NEK7: variants seen among roughly 807,000 people sequenced by gnomAD.
The protein encoded by NEK7 is serine/threonine-protein kinase Nek7.
NEK7 carries 18 observed loss-of-function variants against 44.6 expected under a neutral mutation model. The observed-to-expected ratio is 0.40, with a 90% CI of 0.28 to 0.60. The LOEUF (loss-of-function observed/expected upper bound fraction) is 0.60, where lower values mean the gene tolerates loss of function less well. NEK7 is among the 20% of genes least tolerant of loss of function. The pLI, the probability that NEK7 is intolerant of heterozygous loss-of-function variation, is 0.38. For synonymous variants in NEK7, 130 were observed against 121.1 expected, an observed-to-expected ratio of 1.07 and a Z score of -0.48; for missense variants, 256 against 366.5, an observed-to-expected ratio of 0.70 and a Z score of 2.46.
At chr1:198,196,601 AG>A (rs1665243893) in intron 1 of NEK7, among the ~76,000 whole-genome samples, 1 of 152,200 alleles carries the variant, frequency 6.6e-6, no homozygotes, top group Non-Finnish European at 1.5e-5. Flanking sequence ...CAGCGATGCC[AG>A]GGCTGGAATC....
intron 1 of NEK7, among the ~76,000 whole-genome samples, chr1:198,181,107 G>A (rs1210184325): frequency 1.3e-5 from 2 of 151,994 alleles, no homozygotes; most frequent in Non-Finnish European, 2.9e-5. Flanking sequence ...TGGACTCTTA[G>A]ACCATAGTAT....
intron 1 of NEK7, among the ~76,000 whole-genome samples, chr1:198,192,369 ATCTG>A (rs1002656729): frequency 1.3e-5 from 2 of 148,364 alleles, no homozygotes; most frequent in Admixed American, 6.7e-5. Flanking sequence ...GTTTTGTTGA[ATCTG>A]TCTTTGTTTT....
intron 1 of NEK7, among the ~76,000 whole-genome samples, chr1:198,182,858 C>A (rs925796392): frequency 6.6e-6 from 1 of 152,126 alleles, no homozygotes; most frequent in African/African-American, 2.4e-5. Context: ...TTATGGACTT[C>A]ATAATCCCGA....
rs1227999905 is a variant in NEK7, at chr1:198,277,793, T to C, written c.373-168T>C. On this transcript the variant is annotated intron_variant, in intron 5 of 9. Coordinates refer to ENST00000367385, the MANE Select transcript of NEK7 (RefSeq NM_133494.3). ...ATAATAGGAAAAAAACTTAAGCCATTATGTCAGATAAAATTATTGGAATAA... is the reference window on the plus strand; with the variant it reads ...ATAATAGGAAAAAAACTTAAGCCATCATGTCAGATAAAATTATTGGAATAA... 5.9e-5 allele frequency: 33 copies of C among 556,460 alleles called. No homozygotes were observed. In the East Asian group the frequency reaches 7.9e-4, roughly 13 times the overall value. The allele number at this position is 556,460 out of a possible 1,614,324, so 34.5% of individuals were successfully genotyped here. A position where few individuals can be genotyped will look rare whatever the true frequency, so the allele number is the denominator to read the frequency against.
chr1:198,256,761 G>T (rs1653280750), intron 3 of NEK7, among the ~76,000 whole-genome samples: 2 of 152,208 alleles, frequency 1.3e-5, no homozygotes, highest in East Asian at 1.9e-4. Flanking sequence ...GAGCAGCCTT[G>T]AAGAGAACAG....
At chr1:198,174,489 T>A (rs1396286177) in intron 1 of NEK7, among the ~76,000 whole-genome samples, 4 of 152,152 alleles carry the variant, frequency 2.6e-5, no homozygotes, top group Non-Finnish European at 5.9e-5. Flanking sequence ...AGACTAAATT[T>A]CTGTTGCTAA....
At chr1:198,302,304 CCTTT>C (rs1432739989) in intron 9 of NEK7, among the ~76,000 whole-genome samples, 1 of 151,548 alleles carries the variant, frequency 6.6e-6, no homozygotes, top group Non-Finnish European at 1.5e-5. Context: ...GGTTTTATCT[CCTTT>C]CTATTATTTT....
chr1:198,204,734 A>G (rs1028228400), intron 1 of NEK7, among the ~76,000 whole-genome samples: 7 of 151,916 alleles, frequency 4.6e-5, no homozygotes, highest in Non-Finnish European at 8.8e-5. Context: ...AAAAAAAAAA[A>G]AAAAGAAACT....
At chr1:198,223,693 G>A (rs1666133956) in intron 1 of NEK7, among the ~76,000 whole-genome samples, 1 of 152,144 alleles carries the variant, frequency 6.6e-6, no homozygotes, top group African/African-American at 2.4e-5. Context: ...ATTACTTGTT[G>A]TTAATGATAT....
At chr1:198,251,627 T>C (rs1652998272) in intron 2 of NEK7, among the ~76,000 whole-genome samples, 1 of 152,136 alleles carries the variant, frequency 6.6e-6, no homozygotes, top group Admixed American at 6.5e-5. Context: ...TCAAGGAATT[T>C]ATCCATTTCT....
In NEK7 at chr1:198,253,148, G is replaced by A; in HGVS notation, c.166G>A (p.Asp56Asn). The A allele has an allele frequency of 6.2e-7, 1 of 1,610,606 alleles. No homozygotes were observed. The highest frequency in any genetic ancestry group is 8.5e-7 in the Non-Finnish European group (1 of 1,177,542). Residue 56 changes from aspartate to asparagine, a missense_variant, in exon 3 of 10, where the codon GAT becomes AAT. Coordinates refer to ENST00000367385, the MANE Select transcript of NEK7 (RefSeq NM_133494.3). Reference protein sequence around the residue: ...SEVYRAACLLDGVPVALKKVQ... With the variant: ...SEVYRAACLLNGVPVALKKVQ... ...AGTTTATAGAGCAGCCTGTCTCTTG[G>A]ATGGAGTACCAGTAGCTTTAAAAAA...
intron 8 of NEK7, among the ~76,000 whole-genome samples, chr1:198,296,339 G>T (rs2103013412): frequency 6.6e-6 from 1 of 152,268 alleles, no homozygotes; most frequent in Admixed American, 6.5e-5. Flanking sequence ...ATTTTAAATT[G>T]AATTTTTAGT....
chr1:198,225,961 A>C (rs1666210435), intron 1 of NEK7, among the ~76,000 whole-genome samples: 1 of 152,158 alleles, frequency 6.6e-6, no homozygotes, highest in Admixed American at 6.5e-5. Flanking sequence ...ACATGCGTAC[A>C]TGCATTCATT....
In NEK7 at chr1:198,214,395, CAA is replaced by C. The variant is rs1491188190; in HGVS notation, c.-28-18157_-28-18156del. Among the ~76,000 whole-genome samples, 6 of 152,092 alleles carry C rather than the reference CAA, an allele frequency of 3.9e-5. No individual in the cohort carries two copies. In the South Asian group the frequency reaches 6.2e-4, roughly 16 times the overall value. On this transcript the variant is annotated intron_variant, in intron 1 of 9. Transcript: ENST00000367385. ...GATTATTAAGTTACTCAAGGAGATA[CAA>C]GAGAGAGATGCAAACCAACATAAGT...
At chr1:198,313,423 C>A (rs1655252363) in intron 9 of NEK7, among the ~76,000 whole-genome samples, 1 of 145,198 alleles carries the variant, frequency 6.9e-6, no homozygotes, top group South Asian at 2.4e-4. Flanking sequence ...TTAATTGGAG[C>A]ATTTAGTCCA....
intron 1 of NEK7, among the ~76,000 whole-genome samples, chr1:198,216,335 T>G (rs1241115422): frequency 6.6e-6 from 1 of 152,120 alleles, no homozygotes; most frequent in Non-Finnish European, 1.5e-5. Flanking sequence ...GAATGATTTT[T>G]GGGTTAACCA....
At chr1:198,232,740 A>C in intron 2 of NEK7, 103 bp downstream of exon 2, 1 of 633,220 alleles carries the variant, frequency 1.6e-6, no homozygotes, top group South Asian at 2.5e-5. Context: ...AAAGTAGCAC[A>C]AAAGTGCTAA....
intron 1 of NEK7, among the ~76,000 whole-genome samples, chr1:198,168,828 T>A (rs1022897740): frequency 6.6e-6 from 1 of 151,180 alleles, no homozygotes; most frequent in African/African-American, 2.4e-5. Context: ...ATAGCAGGAG[T>A]GAGAGAGAAA....
intron 9 of NEK7, among the ~76,000 whole-genome samples, chr1:198,306,807 A>G (rs1394472958): frequency 6.6e-6 from 1 of 152,144 alleles, no homozygotes; most frequent in East Asian, 1.9e-4. Context: ...ATTATAACAA[A>G]AGACTTTTGC....
Sources: gnomAD v4.1 joint callset for allele counts (sites outside exome capture counted in the v4.1 genomes callset) on GRCh38, gnomAD v4.1.1 for gene constraint, MANE v1.5 for transcripts, NCBI Gene and HGNC (gene_info 2026-07-23, HGNC 2026-07-21) for gene names.